REPS2: variants seen among roughly 807,000 people sequenced by gnomAD.
The protein encoded by REPS2 is RALBP1 associated Eps domain containing 2.
REPS2 carries 23 observed loss-of-function variants against 53.6 expected under a neutral mutation model. The ratio of observed to expected loss-of-function variants is 0.43; its 90% confidence interval spans 0.31 to 0.61. The LOEUF (loss-of-function observed/expected upper bound fraction) is 0.61, where lower values mean the gene tolerates loss of function less well. Ranked by LOEUF, REPS2 falls within the 20% of genes least tolerant of loss-of-function variation. The pLI, the probability that REPS2 is intolerant of heterozygous loss-of-function variation, is 0.11. For synonymous variants in REPS2, 238 were observed against 218.6 expected, an observed-to-expected ratio of 1.09 and a Z score of -0.78; for missense variants, 446 against 534.9, an observed-to-expected ratio of 0.83 and a Z score of 1.64.
intron 1 of REPS2, among the ~76,000 whole-genome samples, chrX:16,957,588 T>A (rs990789432): frequency 9.0e-5 from 10 of 111,636 alleles, no homozygotes; most frequent in Non-Finnish European, 1.5e-4. Flanking sequence ...TGGAGGTGTT[T>A]GGTGTGCTCT....
At chrX:16,982,836 G>A (rs1386821947) in intron 1 of REPS2, among the ~76,000 whole-genome samples, 1 of 112,208 alleles carries the variant, frequency 8.9e-6, no homozygotes, top group East Asian at 2.8e-4. Context: ...TGAAAATGAT[G>A]TGGGGCAGAG....
chrX:17,124,290 G>C (rs1225970011), intron 14 of REPS2, among the ~76,000 whole-genome samples: 2 of 112,369 alleles, frequency 1.8e-5, no homozygotes, highest in African/African-American at 3.2e-5. Flanking sequence ...AGGACCTGTT[G>C]TTTGCTGGCA....
At chrX:17,040,177 T>G (rs1377046847) in intron 5 of REPS2, among the ~76,000 whole-genome samples, 1 of 112,734 alleles carries the variant, frequency 8.9e-6, no homozygotes, top group East Asian at 2.8e-4. Context: ...CCAAATTATT[T>G]ATTGCAACTT....
chrX:17,112,099 A>G (rs2062979290), intron 14 of REPS2, among the ~76,000 whole-genome samples: 1 of 109,952 alleles, frequency 9.1e-6, no homozygotes, highest in Admixed American at 9.7e-5. Flanking sequence ...AGCTGGGACT[A>G]TAGGTCCTTG....
At chrX:17,109,966 AT>A in intron 14 of REPS2, among the ~76,000 whole-genome samples, 1 of 112,609 alleles carries the variant, frequency 8.9e-6, no homozygotes, top group East Asian at 2.8e-4. Context: ...ATTCAACACC[AT>A]TTTAAATACT....
At chrX:17,125,997 T>C (rs2063205206) in intron 14 of REPS2, among the ~76,000 whole-genome samples, 1 of 112,326 alleles carries the variant, frequency 8.9e-6, no homozygotes. Context: ...GGGACCTTTG[T>C]AAAGCTAACC....
At chrX:17,137,292 C>G (rs1313905380) in intron 16 of REPS2, 1 of 111,594 alleles carries the variant, frequency 9.0e-6, no homozygotes, top group Non-Finnish European at 1.9e-5. Context: ...TTTGTCAACA[C>G]TTATCTTTTT....
intron 1 of REPS2, among the ~76,000 whole-genome samples, chrX:16,981,692 C>A: frequency 8.9e-6 from 1 of 112,009 alleles, no homozygotes; most frequent in Middle Eastern, 4.6e-3. Flanking sequence ...TATCCTTACC[C>A]GTAGGCAAAA....
chrX:16,991,128 A>G (rs1346376757), intron 1 of REPS2, among the ~76,000 whole-genome samples: 1 of 111,357 alleles, frequency 9.0e-6, no homozygotes, highest in African/African-American at 3.3e-5. Flanking sequence ...AGACAAAAAA[A>G]CCAGTTTTTA....
Position 17,100,034 on chromosome X carries a change from C to T in REPS2, c.1517-3684C>T, listed in dbSNP as rs759232905. On this transcript the variant is annotated intron_variant, in intron 13 of 17. Transcript: ENST00000357277. ...CTTTCTTCTTCTTTGGTTTGCTCTC[C>T]TCTCCCTTATCTTCAGAATCAGAAT... is the stretch of plus-strand genomic sequence containing the variant. 1.1e-5 allele frequency: 13 copies of T among 1,162,606 alleles called. No individual in the cohort carries two copies. The South Asian group carries it at 2.3e-4, about 21-fold the overall frequency.
chrX:16,978,020 C>T (rs1298710572), intron 1 of REPS2, among the ~76,000 whole-genome samples: 1 of 111,637 alleles, frequency 9.0e-6, no homozygotes, highest in Non-Finnish European at 1.9e-5. Flanking sequence ...TTCCACATGC[C>T]TTAGGCTTCC....
intron 2 of REPS2, among the ~76,000 whole-genome samples, chrX:17,018,099 A>G (rs1180144287): frequency 8.9e-6 from 1 of 111,743 alleles, no homozygotes; most frequent in Non-Finnish European, 1.9e-5. Flanking sequence ...ATATAGTCAC[A>G]TTGTTGGGTA....
At position 16,964,890 on chromosome X, in the gene REPS2, C is replaced by T. The variant is rs527290915; in HGVS notation, c.273+17756C>T. 7.8e-5 allele frequency among the ~76,000 whole-genome samples: 6 copies of T among 77,189 alleles called. No homozygotes were observed. In the South Asian group the frequency reaches 2.3e-3, roughly 30 times the overall value. The allele number at this position is 77,189 out of a possible 115,157, so 67.0% of individuals were successfully genotyped here. A position where few individuals can be genotyped will look rare whatever the true frequency, so the allele number is the denominator to read the frequency against. On this transcript the variant is annotated intron_variant, in intron 1 of 17. Coordinates refer to ENST00000357277, the MANE Select transcript of REPS2 (RefSeq NM_004726.3). ...GCAGAGGCGCCCCTCACTTCCCGGA[C>T]GGGGCGGCTGGCCAGGTGGGGGGCT...
chrX:16,994,319 ATATATGTGTGTATG>A (rs1193640165), intron 1 of REPS2, among the ~76,000 whole-genome samples: 2 of 110,892 alleles, frequency 1.8e-5, no homozygotes, highest in Admixed American at 9.6e-5. Flanking sequence ...ATATGTGTGT[ATATATGTGTGTATG>A]TATATGTGTG....
intron 1 of REPS2, among the ~76,000 whole-genome samples, chrX:16,991,188 ATT>A (rs760906583): frequency 2.7e-5 from 3 of 111,358 alleles, no homozygotes; most frequent in Non-Finnish European, 5.7e-5. Context: ...TTATGATTTC[ATT>A]TATGCAGTGG....
At chrX:17,159,602 GCCTCACT>G in the REPS2 span, among the ~76,000 whole-genome samples, 2 of 111,468 alleles carry the variant, frequency 1.8e-5, no homozygotes, top group Non-Finnish European at 3.8e-5. Context: ...GCTTCTCTGT[GCCTCACT>G]CCATCATCTA....
At chrX:17,168,276 G>A in the REPS2 span, among the ~76,000 whole-genome samples, 1 of 111,961 alleles carries the variant, frequency 8.9e-6, no homozygotes, top group Non-Finnish European at 1.9e-5. Context: ...CACTTTGGGA[G>A]GTGGAGGTAG....
At chrX:16,980,554 G>T (rs2147727269) in intron 1 of REPS2, among the ~76,000 whole-genome samples, 1 of 111,378 alleles carries the variant, frequency 9.0e-6, no homozygotes, top group African/African-American at 3.3e-5. Context: ...ACCTGCCTCG[G>T]CCAAAATGCT....
intron 15 of REPS2, 58 bp from the exon 16 acceptor site, chrX:17,135,203 G>A (rs1003947841): frequency 1.8e-6 from 2 of 1,133,599 alleles, no homozygotes; most frequent in Non-Finnish European, 2.4e-6. Flanking sequence ...GGAAGGAAGA[G>A]TGGAGGGAAC....
Sources: gnomAD v4.1 joint callset for allele counts (sites outside exome capture counted in the v4.1 genomes callset) on GRCh38, gnomAD v4.1.1 for gene constraint, MANE v1.5 for transcripts, NCBI Gene and HGNC (gene_info 2026-07-23, HGNC 2026-07-21) for gene names.